Variants in ANOS1 observed in about 807,000 individuals in gnomAD.
ANOS1 encodes the protein anosmin 1, also known as anosmin-1.
A neutral mutation model predicts 59.0 loss-of-function variants in ANOS1; 6 were observed. The ratio of observed to expected loss-of-function variants is 0.10; its 90% CI spans 0.06 to 0.20. The LOEUF (loss-of-function observed/expected upper bound fraction) is 0.20. Ranked by LOEUF, ANOS1 falls within the 10% of genes least tolerant of loss-of-function variation. The probability of loss-of-function intolerance (pLI) is 1.00; values close to 1 mark genes in which losing one functional copy is unlikely to be tolerated. For missense variants in ANOS1, 433 were observed against 542.3 expected (o/e 0.80, Z 2.00); for synonymous variants, 217 against 223.4 (o/e 0.97, Z 0.25).
Position 8,732,109 on chromosome X carries a change from C to G in ANOS1, c.-73G>C, listed in dbSNP as rs1932988806. ...CTCCCTGCTCCGCGCCGGGGCTGCA[C>G]TGCTGAGGACCAGGCAGACGCCGCG... is the stretch of plus-strand genomic sequence containing the variant. On this transcript the variant is annotated 5_prime_UTR_variant, in exon 1 of 14. Transcript: ENST00000262648. 3 of 771,519 alleles carry G rather than the reference C, an allele frequency of 3.9e-6. No individual in the cohort carries two copies. The East Asian group carries it at 1.7e-4, about 43-fold the overall frequency. 63.6% of individuals were successfully genotyped at this position (771,519 alleles called of 1,213,427 possible). A position where few individuals can be genotyped will look rare whatever the true frequency, so the allele number is the denominator to read the frequency against.
Position 8,573,898 on chromosome X carries a change from C to T in ANOS1, c.857-3194G>A, listed in dbSNP as rs184835887. On this transcript the variant is annotated intron_variant, in intron 6 of 13. Transcript: ENST00000262648. ...CCTTCAAAGTGTAACAGGAATTTAA[C>T]TGCCTTTTACCACTTCCAATGCCCT... 2.7e-5 allele frequency among the ~76,000 whole-genome samples: 3 copies of T among 112,004 alleles called. No homozygotes were observed. The East Asian group carries it at 8.4e-4, about 32-fold the overall frequency.
intron 8 of ANOS1, among the ~76,000 whole-genome samples, chrX:8,565,462 C>A (rs1407367558): frequency 8.9e-6 from 1 of 111,952 alleles, no homozygotes; most frequent in Admixed American, 9.5e-5. Flanking sequence ...AGAGAGAGAT[C>A]TGTAACTACG....
rs1569056477 is a variant in ANOS1, at chrX:8,587,996, C to G, written c.542-18G>C. On this transcript the variant is annotated intron_variant, in intron 4 of 13. Coordinates refer to ENST00000262648, the MANE Select transcript of ANOS1 (RefSeq NM_000216.4). ...GGGGACACCTGAAACAGGACCGTATCAATTAAAACAATCTGCGTGTGACTC... is the reference window on the plus strand; with the variant it reads ...GGGGACACCTGAAACAGGACCGTATGAATTAAAACAATCTGCGTGTGACTC... The G allele has an allele frequency of 8.5e-7, 1 of 1,177,163 alleles. No individual in the cohort carries two copies. Among genetic ancestry groups the G allele is most frequent in the East Asian group, 3.0e-5 (1 of 33,516 alleles).
intron 10 of ANOS1, among the ~76,000 whole-genome samples, chrX:8,538,780 TA>T (rs1218810703): frequency 8.9e-6 from 1 of 112,180 alleles, no homozygotes; most frequent in Non-Finnish European, 1.9e-5. Flanking sequence ...TTAAGTCCAG[TA>T]AAAAAGAAAA....
At chrX:8,572,468 T>C (rs1930248983) in intron 6 of ANOS1, among the ~76,000 whole-genome samples, 1 of 112,114 alleles carries the variant, frequency 8.9e-6, no homozygotes, top group African/African-American at 3.2e-5. Context: ...ATGATCTTGT[T>C]CCTTTTCATG....
intron 2 of ANOS1, among the ~76,000 whole-genome samples, chrX:8,659,590 CT>C (rs1331788699): frequency 4.3e-4 from 12 of 27,628 alleles, no homozygotes; most frequent in African/African-American, 2.0e-3. Flanking sequence ...GCTTGCCTTC[CT>C]TCCTTCCTTC....
chrX:8,560,075 C>T (rs142784404), intron 8 of ANOS1, among the ~76,000 whole-genome samples: 141 of 111,894 alleles, frequency 1.3e-3, no homozygotes, highest in Non-Finnish European at 1.7e-3. Flanking sequence ...GTTTTATTTA[C>T]GTCAATACAG....
chrX:8,570,488 T>C lies in ANOS1; in HGVS notation c.1062+11A>G, dbSNP rs1930209556. ...GTGGGAATAACAATCCTTCCTCCAG[T>C]TCCCACTCACCCCATCCGTAGTCTT... On this transcript the variant is annotated intron_variant, in intron 7 of 13. Coordinates refer to ENST00000262648, the MANE Select transcript of ANOS1 (RefSeq NM_000216.4). 1 of 1,197,422 alleles carries C rather than the reference T, an allele frequency of 8.4e-7. No individual in the cohort carries two copies. The highest frequency in any genetic ancestry group is 1.1e-6 in the Non-Finnish European group (1 of 882,740).
At chrX:8,617,570 T>C (rs765672932) in intron 3 of ANOS1, among the ~76,000 whole-genome samples, 1 of 110,680 alleles carries the variant, frequency 9.0e-6, no homozygotes, top group African/African-American at 3.3e-5. Context: ...CACCTGAAGT[T>C]AGCAGTTCAA....
At chrX:8,687,127 A>G (rs1467604743) in intron 2 of ANOS1, among the ~76,000 whole-genome samples, 2 of 111,537 alleles carry the variant, frequency 1.8e-5, no homozygotes, top group Admixed American at 1.9e-4. Flanking sequence ...CTTACCATTC[A>G]GCAAAAGCCA....
At chrX:8,533,779 C>T (rs776549198) in intron 13 of ANOS1, among the ~76,000 whole-genome samples, 1 of 111,134 alleles carries the variant, frequency 9.0e-6, no homozygotes, top group African/African-American at 3.3e-5. Flanking sequence ...ACAGTAATAT[C>T]TATGTAACAA....
intron 8 of ANOS1, among the ~76,000 whole-genome samples, chrX:8,557,362 G>T: frequency 8.9e-6 from 1 of 111,808 alleles, no homozygotes; most frequent in East Asian, 2.8e-4. Context: ...CACAGCAAAA[G>T]AAACTAGCAT....
chrX:8,717,989 G>T (rs1050986972), intron 1 of ANOS1, among the ~76,000 whole-genome samples: 5 of 110,135 alleles, frequency 4.5e-5, no homozygotes, highest in African/African-American at 1.7e-4. Context: ...TTGAGCCAGG[G>T]AGTTTGAGGC....
intron 3 of ANOS1, among the ~76,000 whole-genome samples, chrX:8,623,343 C>A (rs1304411607): frequency 1.8e-5 from 2 of 111,204 alleles, no homozygotes; most frequent in African/African-American, 3.3e-5. Context: ...TGGTGACAAT[C>A]TATACCTTTA....
chrX:8,578,206 A>C (rs1930361854), intron 6 of ANOS1, among the ~76,000 whole-genome samples: 1 of 111,307 alleles, frequency 9.0e-6, no homozygotes, highest in African/African-American at 3.3e-5. Context: ...TAAAAACAAT[A>C]ATATAACTGT....
chrX:8,595,949 G>A (rs138985480), intron 4 of ANOS1, among the ~76,000 whole-genome samples: 1,927 of 110,778 alleles, frequency 0.017, 45 homozygotes, highest in African/African-American at 0.06. Context: ...TCTCATAGGA[G>A]CATGAACCCT....
chrX:8,557,670 A>G (rs1929970100), intron 8 of ANOS1, among the ~76,000 whole-genome samples: 1 of 112,091 alleles, frequency 8.9e-6, no homozygotes, highest in African/African-American at 3.2e-5. Flanking sequence ...AAAAGTCAGG[A>G]AACAACAGAT....
intron 6 of ANOS1, among the ~76,000 whole-genome samples, chrX:8,570,973 GGGT>G (rs1370006245): frequency 6.4e-5 from 7 of 109,286 alleles, no homozygotes; most frequent in Non-Finnish European, 1.3e-4. Context: ...TAGCTGGGCA[GGGT>G]GGTGCATGCC....
chrX:8,725,867 T>C (rs1031603638), intron 1 of ANOS1, among the ~76,000 whole-genome samples: 30 of 109,019 alleles, frequency 2.8e-4, no homozygotes, highest in African/African-American at 7.3e-4. Context: ...TTTTAAATCA[T>C]GTTCAAAGAG....
Sources: allele counts gnomAD v4.1 joint callset (sites outside exome capture counted in the v4.1 genomes callset), GRCh38; gene constraint gnomAD v4.1.1; transcripts MANE v1.5; gene names NCBI Gene and HGNC (gene_info 2026-07-23, HGNC 2026-07-21).